The following RABGAP1L variants were observed in gnomAD, a reference collection of about 807,000 sequenced individuals.
RABGAP1L encodes the protein rab GTPase-activating protein 1-like.
In RABGAP1L, 63 loss-of-function variants were observed where a neutral mutation model predicts 137.7. That is an observed-to-expected ratio of 0.46 (90% CI 0.37 to 0.56). The LOEUF (loss-of-function observed/expected upper bound fraction) is 0.56, where lower values mean the gene tolerates loss of function less well. RABGAP1L is among the 20% of genes least tolerant of loss of function. The pLI is 0.00. For missense variants in RABGAP1L, 1,095 were observed against 1,244.0 expected, an observed-to-expected ratio of 0.88 and a Z score of 1.80; for synonymous variants, 431 against 433.7, an observed-to-expected ratio of 0.99 and a Z score of 0.08.
intron 13 of RABGAP1L, among the ~76,000 whole-genome samples, chr1:174,615,129 G>A (rs139156978): frequency 2.6e-4 from 40 of 152,328 alleles, no homozygotes; most frequent in African/African-American, 8.4e-4. Flanking sequence ...GAGGAACTGC[G>A]TTCCTTTGGA....
At chr1:174,704,514 G>T (rs946768319) in intron 17 of RABGAP1L, among the ~76,000 whole-genome samples, 1 of 152,212 alleles carries the variant, frequency 6.6e-6, no homozygotes, top group Non-Finnish European at 1.5e-5. Flanking sequence ...TTGTAAGCAT[G>T]TAAGAGTTTT....
intron 13 of RABGAP1L, among the ~76,000 whole-genome samples, chr1:174,438,744 G>GTATA (rs71117563): frequency 0.09 from 8,516 of 95,074 alleles, 432 homozygotes; most frequent in South Asian, 0.13. Flanking sequence ...GTGTGTGTGT[G>GTATA]TATATATATA....
chr1:174,570,080 T>C (rs1667867041), intron 13 of RABGAP1L, among the ~76,000 whole-genome samples: 1 of 152,222 alleles, frequency 6.6e-6, no homozygotes, highest in Non-Finnish European at 1.5e-5. Context: ...TGTTATTCTA[T>C]GATTTTTATT....
intron 17 of RABGAP1L, among the ~76,000 whole-genome samples, chr1:174,726,324 C>CT (rs1290269541): frequency 6.6e-6 from 1 of 151,954 alleles, no homozygotes; most frequent in Non-Finnish European, 1.5e-5. Context: ...CCAGTCCAGT[C>CT]TCAAAGTCCT....
intron 17 of RABGAP1L, among the ~76,000 whole-genome samples, chr1:174,720,290 T>TAGATAGAC (rs368112419): frequency 0.19 from 26,716 of 141,046 alleles, 3,150 homozygotes; most frequent in African/African-American, 0.33. Context: ...GATAGATAGA[T>TAGATAGAC]AGACAGACAG....
At chr1:174,263,246 A>G (rs922083704) in intron 7 of RABGAP1L, among the ~76,000 whole-genome samples, 1 of 152,214 alleles carries the variant, frequency 6.6e-6, no homozygotes, top group Non-Finnish European at 1.5e-5. Flanking sequence ...GGGCAGTCCA[A>G]CAAACTTCTT....
At chr1:174,896,614 G>C (rs1277432055) in intron 19 of RABGAP1L, among the ~76,000 whole-genome samples, 2 of 152,114 alleles carry the variant, frequency 1.3e-5, no homozygotes, top group Non-Finnish European at 2.9e-5. Context: ...ATTAATTTTT[G>C]TATAAGGTAT....
At chr1:174,638,058 T>C (rs1674207814) in intron 14 of RABGAP1L, among the ~76,000 whole-genome samples, 1 of 152,224 alleles carries the variant, frequency 6.6e-6, no homozygotes, top group Non-Finnish European at 1.5e-5. Context: ...ATTCTGTCTC[T>C]GTCAGTATAG....
chr1:174,383,713 C>T lies in RABGAP1L; in HGVS notation c.1560-10282C>T, dbSNP rs917395955. On this transcript the variant is annotated intron_variant, in intron 12 of 25. Coordinates refer to ENST00000681986, the MANE Select transcript of RABGAP1L (RefSeq NM_001366446.1). ...CTGGCACTCCCTAGTGAGATGAACC[C>T]GGTACCTCAGATGGAAATGCAGAAA... 4.6e-5 allele frequency among the ~76,000 whole-genome samples: 7 copies of T among 152,212 alleles called. No homozygotes were observed. The East Asian group carries it at 5.8e-4, about 13-fold the overall frequency.
intron 18 of RABGAP1L, among the ~76,000 whole-genome samples, chr1:174,791,825 A>G (rs988011159): frequency 6.6e-6 from 1 of 152,182 alleles, no homozygotes; most frequent in Non-Finnish European, 1.5e-5. Flanking sequence ...CTTATCAGTT[A>G]AAAATTGAGA....
At chr1:174,206,546 A>G (rs1172314072) in intron 1 of RABGAP1L, among the ~76,000 whole-genome samples, 1 of 152,144 alleles carries the variant, frequency 6.6e-6, no homozygotes, top group African/African-American at 2.4e-5. Context: ...TTCTAATTCT[A>G]ATGCCTGATA....
intron 19 of RABGAP1L, among the ~76,000 whole-genome samples, chr1:174,854,823 T>A (rs937074889): frequency 9.0e-5 from 12 of 133,086 alleles, no homozygotes; most frequent in African/African-American, 3.4e-4. Context: ...CTGTAACCTC[T>A]GCCCCCAGGA....
intron 13 of RABGAP1L, among the ~76,000 whole-genome samples, chr1:174,493,271 G>T (rs1156270392): frequency 6.6e-6 from 1 of 150,380 alleles, no homozygotes; most frequent in Non-Finnish European, 1.5e-5. Context: ...CTGAGGTGGG[G>T]AGGTGCTTGA....
intron 1 of RABGAP1L, among the ~76,000 whole-genome samples, chr1:174,190,940 G>A (rs1416837192): frequency 6.6e-6 from 1 of 152,192 alleles, no homozygotes; most frequent in Non-Finnish European, 1.5e-5. Context: ...GAGGCCCAAG[G>A]AGAGGGAAAG....
chr1:174,515,830 C>G (rs922562930), intron 13 of RABGAP1L, among the ~76,000 whole-genome samples: 1 of 151,814 alleles, frequency 6.6e-6, no homozygotes, highest in African/African-American at 2.4e-5. Flanking sequence ...AGGCATAACT[C>G]TGGAAATTAT....
chr1:174,394,261 T>C (rs1266683949), intron 13 of RABGAP1L, 116 bp downstream of exon 13: 34 of 1,233,616 alleles, frequency 2.8e-5, no homozygotes, highest in Non-Finnish European at 3.8e-5. Flanking sequence ...TATATTGAGG[T>C]CGTGAAGTCA....
At chr1:174,816,856 G>A (rs928651972) in intron 19 of RABGAP1L, among the ~76,000 whole-genome samples, 6 of 150,054 alleles carry the variant, frequency 4.0e-5, no homozygotes, top group Admixed American at 2.0e-4. Flanking sequence ...CCAGCCTTCC[G>A]AGTAGCTGGG....
intron 14 of RABGAP1L, among the ~76,000 whole-genome samples, chr1:174,681,978 C>G (rs1268088662): frequency 6.6e-6 from 1 of 152,054 alleles, no homozygotes; most frequent in African/African-American, 2.4e-5. Context: ...CTTTGAGAGT[C>G]TTTTAAAAAT....
At position 174,417,391 on chromosome 1, in the gene RABGAP1L, C is replaced by T. The variant is rs965161215; in HGVS notation, c.1710+23246C>T. Among the ~76,000 whole-genome samples the T allele has an allele frequency of 4.6e-5, 7 of 152,286 alleles. No individual in the cohort carries two copies. The East Asian group carries it at 5.8e-4, about 13-fold the overall frequency. ...TCTAATGTTTACAAACTTCATGGCA[C>T]GCTTAGCCAGGGAAAACAATCTTGC... On this transcript the variant is annotated intron_variant, in intron 13 of 25. Transcript: ENST00000681986.
Sources: gnomAD v4.1 joint callset for allele counts (sites outside exome capture counted in the v4.1 genomes callset) on GRCh38, gnomAD v4.1.1 for gene constraint, MANE v1.5 for transcripts, NCBI Gene and HGNC (gene_info 2026-07-23, HGNC 2026-07-21) for gene names.